Variants in KIAA0586 observed in about 807,000 individuals in gnomAD.
KIAA0586 encodes KIAA0586.
A neutral mutation model predicts 169.8 loss-of-function variants in KIAA0586; 144 were observed. The observed-to-expected ratio is 0.85, with a 90% CI of 0.74 to 0.97. KIAA0586 has a LOEUF of 0.97. Ranked by LOEUF, KIAA0586 falls within the 50% of genes least tolerant of loss-of-function variation. The pLI is 0.00. For synonymous variants in KIAA0586, 625 were observed against 612.4 expected, an observed-to-expected ratio of 1.02 and a Z score of -0.30; for missense variants, 1,854 against 1,823.0, an observed-to-expected ratio of 1.02 and a Z score of -0.31.
intron 29 of KIAA0586, among the ~76,000 whole-genome samples, chr14:58,530,716 T>G (rs1036993871): frequency 1.3e-5 from 2 of 152,056 alleles, no homozygotes; most frequent in Non-Finnish European, 2.9e-5. Context: ...GACTTAAACA[T>G]AAGACCTAAA....
In KIAA0586 at chr14:58,521,235, G is replaced by T. The variant is rs763793373; in HGVS notation, c.4429+8608G>T. The T allele has an allele frequency of 3.8e-6, 4 of 1,050,552 alleles. No individual in the cohort carries two copies. In the South Asian group the frequency reaches 5.2e-5, roughly 14 times the overall value. 65.1% of individuals were successfully genotyped at this position (1,050,552 alleles called of 1,614,324 possible). On this transcript the variant is annotated intron_variant, in intron 29 of 30. Coordinates refer to ENST00000652326, the MANE Select transcript of KIAA0586 (RefSeq NM_001329943.3). The stretch of plus-strand genomic sequence containing the variant: ...ATCATCCAACACAGTGGCCAGCAAC[G>T]TTGCCGACAAGACGGATCCTCACTC...
intron 29 of KIAA0586, among the ~76,000 whole-genome samples, chr14:58,513,706 C>G (rs2044554210): frequency 6.6e-6 from 1 of 151,820 alleles, no homozygotes; most frequent in South Asian, 2.1e-4. Flanking sequence ...ATAAATGTTT[C>G]TAAGATAATG....
At chr14:58,467,322 T>C (rs1325774007) in intron 15 of KIAA0586, among the ~76,000 whole-genome samples, 3 of 152,220 alleles carry the variant, frequency 2.0e-5, no homozygotes, top group Non-Finnish European at 4.4e-5. Flanking sequence ...GCTACACAGC[T>C]AGAATGGTGC....
intron 4 of KIAA0586, among the ~76,000 whole-genome samples, 156 bp downstream of exon 4, chr14:58,432,613 C>T (rs944929263): frequency 1.3e-5 from 2 of 152,120 alleles, no homozygotes; most frequent in Non-Finnish European, 2.9e-5. Context: ...ATAAAATACT[C>T]AGTAGCAGTT....
intron 28 of KIAA0586, among the ~76,000 whole-genome samples, chr14:58,510,004 G>A (rs2044271723): frequency 1.3e-5 from 2 of 152,122 alleles, no homozygotes; most frequent in African/African-American, 4.8e-5. Flanking sequence ...AAACAATCCA[G>A]TTGAAAAATG....
intron 17 of KIAA0586, among the ~76,000 whole-genome samples, chr14:58,471,329 T>A (rs1008702285): frequency 1.3e-5 from 2 of 152,252 alleles, no homozygotes; most frequent in South Asian, 2.1e-4. Context: ...ATGGGAATTA[T>A]AGATATCCTA....
intron 6 of KIAA0586, among the ~76,000 whole-genome samples, chr14:58,444,915 GAAAAAAAAAAAA>G (rs869127762): frequency 2.7e-5 from 3 of 111,988 alleles, no homozygotes; most frequent in Non-Finnish European, 3.6e-5. Context: ...CATCTCTTAG[GAAAAAAAAAAAA>G]AAAAAAAAAA....
chr14:58,557,901 CTTTTTTTTTTTTTT>C, the KIAA0586 span, among the ~76,000 whole-genome samples: 1 of 42,500 alleles, frequency 2.4e-5, no homozygotes, highest in African/African-American at 1.2e-4. Flanking sequence ...CCTGAGAAAT[CTTTTTTTTTTTTTT>C]TTTTTTTTTT....
intron 24 of KIAA0586, 131 bp downstream of exon 24, chr14:58,489,005 C>A: frequency 2.2e-6 from 2 of 905,818 alleles, no homozygotes; most frequent in Non-Finnish European, 3.3e-6. Context: ...ATAGGGGACT[C>A]AATGCAATTT....
At chr14:58,443,334 G>T (rs1300144710) in intron 5 of KIAA0586, among the ~76,000 whole-genome samples, 2 of 152,254 alleles carry the variant, frequency 1.3e-5, no homozygotes, top group African/African-American at 4.8e-5. Context: ...TCAGCCTTAT[G>T]TTAGTAAAAT....
intron 29 of KIAA0586, among the ~76,000 whole-genome samples, chr14:58,528,300 C>T (rs771077216): frequency 1.3e-5 from 2 of 152,094 alleles, no homozygotes; most frequent in Non-Finnish European, 2.9e-5. Context: ...AACAATGAGA[C>T]AGAAAATTAA....
At chr14:58,482,085 T>TAC (rs1427634977) in intron 20 of KIAA0586, among the ~76,000 whole-genome samples, 2 of 151,512 alleles carry the variant, frequency 1.3e-5, no homozygotes, top group Non-Finnish European at 2.9e-5. Flanking sequence ...GTGCTGGGAT[T>TAC]ACAGGCGTGA....
At chr14:58,446,482 G>A (rs2038912547) in intron 6 of KIAA0586, among the ~76,000 whole-genome samples, 2 of 151,910 alleles carry the variant, frequency 1.3e-5, no homozygotes, top group Admixed American at 1.3e-4. Flanking sequence ...GGGTGACAGA[G>A]CAAGACTCTA....
chr14:58,527,619 G>A (rs1324707187), intron 29 of KIAA0586, among the ~76,000 whole-genome samples: 1 of 152,154 alleles, frequency 6.6e-6, no homozygotes, highest in South Asian at 2.1e-4. Context: ...CTTCATAAGT[G>A]AAGGAGAAAT....
downstream of KIAA0586, among the ~76,000 whole-genome samples, chr14:58,555,213 G>T (rs1300056727): frequency 2.1e-5 from 3 of 144,240 alleles, no homozygotes; most frequent in African/African-American, 7.7e-5. Context: ...CAATTCTCCT[G>T]CCTCAGCCTC....
At chr14:58,478,487 A>G (rs534594932) in intron 20 of KIAA0586, among the ~76,000 whole-genome samples, 1 of 152,254 alleles carries the variant, frequency 6.6e-6, no homozygotes, top group African/African-American at 2.4e-5. Flanking sequence ...TGTTTCAATC[A>G]GTCAATCAAT....
At chr14:58,507,165 G>GTATA (rs35984192) in intron 27 of KIAA0586, among the ~76,000 whole-genome samples, 8,071 of 139,076 alleles carry the variant, frequency 0.058, 298 homozygotes, top group Non-Finnish European at 0.071. Flanking sequence ...AAAAAAAAGT[G>GTATA]TATATATATA....
chr14:58,519,813 A>G (rs891659951), intron 29 of KIAA0586, among the ~76,000 whole-genome samples: 2 of 152,220 alleles, frequency 1.3e-5, no homozygotes, highest in Admixed American at 6.5e-5. Context: ...ATCATTTGCT[A>G]TTAACCCCAA....
intron 29 of KIAA0586, among the ~76,000 whole-genome samples, chr14:58,535,157 A>C (rs1365783424): frequency 1.3e-5 from 2 of 149,326 alleles, no homozygotes; most frequent in Non-Finnish European, 3.0e-5. Context: ...TGTAGTTTTT[A>C]AGATTCTTTT....
Sources: allele counts gnomAD v4.1 joint callset (sites outside exome capture counted in the v4.1 genomes callset), GRCh38; gene constraint gnomAD v4.1.1; transcripts MANE v1.5; gene names NCBI Gene and HGNC (gene_info 2026-07-23, HGNC 2026-07-21).